Variants in ZBTB7C observed in about 807,000 individuals in gnomAD.
The protein encoded by ZBTB7C is zinc finger and BTB domain containing 7C, also known as zinc finger and BTB domain-containing protein 7C.
ZBTB7C carries 8 observed loss-of-function variants against 25.7 expected under a neutral mutation model. The ratio of observed to expected loss-of-function variants is 0.31; its 90% CI spans 0.18 to 0.56. ZBTB7C has a LOEUF of 0.56. Ranked by LOEUF, ZBTB7C falls within the 20% of genes least tolerant of loss-of-function variation. The pLI is 0.91. For synonymous variants in ZBTB7C, 394 were observed against 369.0 expected (o/e 1.07, Z -0.78); for missense variants, 824 against 855.2 (o/e 0.96, Z 0.46).
intron 1 of ZBTB7C, among the ~76,000 whole-genome samples, chr18:48,401,845 T>C (rs1292173541): frequency 6.6e-6 from 1 of 152,080 alleles, no homozygotes; most frequent in Non-Finnish European, 1.5e-5. Context: ...AGATTTCACC[T>C]AGGCCTCACC....
chr18:48,389,228 CTCTCTCTCGTGTGTGTGTGTGTGT>C (rs2047829257), intron 1 of ZBTB7C, among the ~76,000 whole-genome samples: 2 of 94,088 alleles, frequency 2.1e-5, no homozygotes, highest in African/African-American at 8.4e-5. Context: ...CTCTCTCTCT[CTCTCTCTCGTGTGTGTGTGTGTGT>C]GTGTGTGTGT....
chr18:48,401,663 G>A (rs887186804), intron 1 of ZBTB7C, among the ~76,000 whole-genome samples: 1 of 152,082 alleles, frequency 6.6e-6, no homozygotes, highest in African/African-American at 2.4e-5. Flanking sequence ...CTAGGTTCTG[G>A]GCCCTGAGGA....
At chr18:48,329,173 A>T (rs920862693) in intron 2 of ZBTB7C, among the ~76,000 whole-genome samples, 4 of 152,210 alleles carry the variant, frequency 2.6e-5, no homozygotes, top group African/African-American at 9.6e-5. Context: ...AAGGCAGCCA[A>T]AATGGCAGGG....
At chr18:48,179,304 C>A (rs2041799526) in intron 3 of ZBTB7C, among the ~76,000 whole-genome samples, 1 of 152,206 alleles carries the variant, frequency 6.6e-6, no homozygotes, top group South Asian at 2.1e-4. Context: ...AGGGATCCTG[C>A]ATGGCTGAGC....
rs148409179 is a variant in ZBTB7C at position 48,069,233 on chromosome 18, G to A, written c.-16-28110C>T. 5.3e-5 allele frequency among the ~76,000 whole-genome samples: 8 copies of A among 152,314 alleles called. No homozygotes were observed. In the East Asian group the frequency reaches 5.8e-4, roughly 11 times the overall value. ...GTCCAGGTGTTCCTGTGGGTGGCACGCCTGTTACCTTTCTCAATTCTCACC... is the reference window on the plus strand; with the variant it reads ...GTCCAGGTGTTCCTGTGGGTGGCACACCTGTTACCTTTCTCAATTCTCACC... On this transcript the variant is annotated intron_variant, in intron 3 of 4. Transcript: ENST00000590800.
intron 2 of ZBTB7C, among the ~76,000 whole-genome samples, chr18:48,280,821 G>T (rs2044819602): frequency 6.7e-6 from 1 of 148,790 alleles, no homozygotes; most frequent in African/African-American, 2.5e-5. Context: ...TTAAGCACCA[G>T]CTTTCCTAGG....
chr18:48,326,054 T>C (rs1457241314), intron 2 of ZBTB7C, among the ~76,000 whole-genome samples: 1 of 151,788 alleles, frequency 6.6e-6, no homozygotes, highest in Non-Finnish European at 1.5e-5. Context: ...CAAAGTCTTG[T>C]TCACTTATCT....
intron 3 of ZBTB7C, among the ~76,000 whole-genome samples, chr18:48,076,607 G>A (rs1189924119): frequency 1.3e-5 from 2 of 152,190 alleles, no homozygotes; most frequent in East Asian, 1.9e-4. Context: ...TTGCCCACAC[G>A]ACTAATTTCC....
In ZBTB7C at chr18:48,057,508, TG is replaced by T. The variant is rs1779869646; in HGVS notation, c.-16-16386del. On this transcript the variant is annotated intron_variant, in intron 3 of 4. Coordinates refer to ENST00000590800, the MANE Select transcript of ZBTB7C (RefSeq NM_001318841.2). The stretch of plus-strand genomic sequence containing the variant: ...GAAAAAGATGACCATGTGTACATAC[TG>T]GTTTGTAGATGCATGAATTAAACTG... Among the ~76,000 whole-genome samples the T allele has an allele frequency of 2.0e-5, 3 of 152,222 alleles. No individual in the cohort carries two copies. The South Asian group carries it at 6.2e-4, about 32-fold the overall frequency.
intron 2 of ZBTB7C, among the ~76,000 whole-genome samples, chr18:48,335,833 C>T (rs1471779647): frequency 6.6e-6 from 1 of 152,148 alleles, no homozygotes; most frequent in Non-Finnish European, 1.5e-5. Flanking sequence ...TATGTTAGAC[C>T]TACTGAGTGA....
chr18:48,152,601 A>G (rs1461792141), intron 3 of ZBTB7C, among the ~76,000 whole-genome samples: 1 of 152,246 alleles, frequency 6.6e-6, no homozygotes, highest in Non-Finnish European at 1.5e-5. Context: ...GAAGGAGATC[A>G]TGGAGCTGGG....
chr18:48,316,828 G>C (rs2045958953), intron 2 of ZBTB7C, among the ~76,000 whole-genome samples: 1 of 152,202 alleles, frequency 6.6e-6, no homozygotes. Flanking sequence ...AGGCAATGAA[G>C]AGACCTCGTT....
At chr18:48,262,557 C>A (rs2044201988) in intron 2 of ZBTB7C, among the ~76,000 whole-genome samples, 1 of 152,120 alleles carries the variant, frequency 6.6e-6, no homozygotes, top group African/African-American at 2.4e-5. Flanking sequence ...GAAAACAGCA[C>A]CAGTGTAGAG....
intron 2 of ZBTB7C, among the ~76,000 whole-genome samples, chr18:48,297,073 G>A (rs1025316747): frequency 5.3e-5 from 8 of 152,188 alleles, no homozygotes; most frequent in Non-Finnish European, 1.2e-4. Flanking sequence ...TGTCTTCCAC[G>A]AAACCAGTCC....
intron 2 of ZBTB7C, among the ~76,000 whole-genome samples, chr18:48,332,799 G>T (rs1297594437): frequency 6.6e-6 from 1 of 150,974 alleles, no homozygotes; most frequent in East Asian, 1.9e-4. Context: ...AAGTCCCAGG[G>T]TCTCAACAGT....
In ZBTB7C at chr18:48,409,267, C is replaced by G. The variant is rs1473361280; in HGVS notation, c.-345G>C. 9 of 149,612 alleles carry G rather than the reference C, an allele frequency of 6.0e-5. No individual in the cohort carries two copies. The highest frequency in any genetic ancestry group is 1.0e-4 in the Non-Finnish European group (7 of 67,142). The allele number at this position is 149,612 out of a possible 1,614,324, so 9.3% of individuals were successfully genotyped here. A position where few individuals can be genotyped will look rare whatever the true frequency, so the allele number is the denominator to read the frequency against. On this transcript the variant is annotated 5_prime_UTR_variant, in exon 1 of 5. Transcript: ENST00000590800. Reference sequence around the variant, plus strand: ...CCCTGCGCGCCTCCCGCACTTGGCTCCGGGACGCAGTCCTGGCGTCCTCCT... The same window carrying G: ...CCCTGCGCGCCTCCCGCACTTGGCTGCGGGACGCAGTCCTGGCGTCCTCCT...
At chr18:48,102,087 C>T (rs1025496129) in intron 3 of ZBTB7C, among the ~76,000 whole-genome samples, 3 of 152,192 alleles carry the variant, frequency 2.0e-5, no homozygotes, top group Non-Finnish European at 4.4e-5. Context: ...CAACTTCTGA[C>T]ATTGAGGCGC....
At chr18:48,360,151 C>G (rs1427477090) in intron 1 of ZBTB7C, among the ~76,000 whole-genome samples, 2 of 152,244 alleles carry the variant, frequency 1.3e-5, no homozygotes, top group African/African-American at 4.8e-5. Flanking sequence ...AACTACTTTG[C>G]ATTTGCAAGC....
intron 3 of ZBTB7C, among the ~76,000 whole-genome samples, chr18:48,051,781 C>A (rs546707558): frequency 2.0e-5 from 3 of 152,112 alleles, no homozygotes. Context: ...CAAGAGCTGG[C>A]GGGACACACC....
Sources: gnomAD v4.1 joint callset for allele counts (sites outside exome capture counted in the v4.1 genomes callset) on GRCh38, gnomAD v4.1.1 for gene constraint, MANE v1.5 for transcripts, NCBI Gene and HGNC (gene_info 2026-07-23, HGNC 2026-07-21) for gene names.